The following LIMK2 variants were observed in gnomAD, a reference collection of about 807,000 sequenced individuals.
LIMK2 encodes LIM domain kinase 2.
Under a neutral mutation model 75.7 loss-of-function variants are expected in LIMK2, and 35 were observed. The observed-to-expected ratio is 0.46, with a 90% confidence interval of 0.35 to 0.61. The LOEUF is 0.61. Among genes scored for constraint, LIMK2 ranks in the 20% least tolerant of loss-of-function variants. The probability of loss-of-function intolerance (pLI) is 0.00; values close to 1 mark genes in which losing one functional copy is unlikely to be tolerated. For missense variants in LIMK2, 623 were observed against 831.0 expected, an observed-to-expected ratio of 0.75 and a Z score of 3.08; for synonymous variants, 301 against 319.2, an observed-to-expected ratio of 0.94 and a Z score of 0.61.
intron 2 of LIMK2, among the ~76,000 whole-genome samples, chr22:31,247,976 C>A (rs543798972): frequency 4.0e-4 from 61 of 151,476 alleles, no homozygotes; most frequent in African/African-American, 1.1e-3. Context: ...GCTAGGATGG[C>A]TCTCTGGACC....
Position 31,212,316 on chromosome 22 carries a change from C to G in LIMK2, c.-93C>G, listed in dbSNP as rs976782351. The G allele has an allele frequency of 8.0e-7, 1 of 1,244,380 alleles. No homozygotes were observed. Among genetic ancestry groups the G allele is most frequent in the East Asian group, 2.9e-5 (1 of 34,274 alleles). 77.1% of individuals were successfully genotyped at this position (1,244,380 alleles called of 1,614,324 possible). ...GGCTGTGGTCTTCCCGCGCCTGAGGCGGCGGCGGCAGGAGCTGAGGGGAGT... is the reference window on the plus strand; with the variant it reads ...GGCTGTGGTCTTCCCGCGCCTGAGGGGGCGGCGGCAGGAGCTGAGGGGAGT... On this transcript the variant is annotated 5_prime_UTR_variant, in exon 1 of 16. Transcript: ENST00000331728.
intron 15 of LIMK2, chr22:31,276,906 C>G (rs1481145318): frequency 1.2e-6 from 2 of 1,613,160 alleles, no homozygotes; most frequent in African/African-American, 2.7e-5. Context: ...AGCACCTCAA[C>G]CTAGAGGAGT....
At chr22:31,272,427 C>G in intron 12 of LIMK2, 103 bp from the exon 13 acceptor site, 1 of 1,094,600 alleles carries the variant, frequency 9.1e-7, no homozygotes, top group Non-Finnish European at 1.3e-6. Context: ...TTGCTATACA[C>G]CTTTTCTCCC....
chr22:31,251,776 T>C (rs1243488388), intron 2 of LIMK2, among the ~76,000 whole-genome samples: 1 of 152,106 alleles, frequency 6.6e-6, no homozygotes, highest in Non-Finnish European at 1.5e-5. Context: ...ACTGAGCTCT[T>C]ATGGAACAGA....
Position 31,275,335 on chromosome 22 carries a change from C to T in LIMK2, c.1772+27C>T, listed in dbSNP as rs775786588. The T allele has an allele frequency of 1.9e-6, 3 of 1,612,836 alleles. No homozygotes were observed. The South Asian group carries it at 3.3e-5, about 18-fold the overall frequency. On this transcript the variant is annotated intron_variant, in intron 15 of 15. Transcript: ENST00000331728. ...TTGGTATCCTGCCTTTTTCTCCCAG[C>T]TCACAGGGTCCTGGGACGTTTGCCT...
chr22:31,238,568 G>T (rs1232502655), intron 2 of LIMK2, among the ~76,000 whole-genome samples: 1 of 152,162 alleles, frequency 6.6e-6, no homozygotes, highest in Non-Finnish European at 1.5e-5. Flanking sequence ...AAGGCCAAAA[G>T]CTAGGCCTAG....
chr22:31,252,437 G>A (rs1019612821), intron 2 of LIMK2, among the ~76,000 whole-genome samples: 4 of 151,846 alleles, frequency 2.6e-5, no homozygotes, highest in African/African-American at 9.7e-5. Context: ...AGCTACTCAG[G>A]AGGCTGAGGC....
intron 15 of LIMK2, chr22:31,277,448 C>T (rs2049042728): frequency 1.2e-5 from 14 of 1,156,452 alleles, no homozygotes; most frequent in South Asian, 2.5e-5. Context: ...TTCCAGCGGT[C>T]CACATTAGAG....
chr22:31,261,582 A>G (rs1220199603), intron 5 of LIMK2, among the ~76,000 whole-genome samples: 1 of 151,050 alleles, frequency 6.6e-6, no homozygotes, highest in Non-Finnish European at 1.5e-5. Flanking sequence ...CCTGGCCAAC[A>G]TGGCAAAACC....
intron 9 of LIMK2, 62 bp downstream of exon 9, chr22:31,267,132 A>G (rs1387393503): frequency 1.1e-6 from 1 of 912,582 alleles, no homozygotes; most frequent in Non-Finnish European, 1.7e-6. Context: ...AGACCTTACA[A>G]ATAATGGCTT....
At chr22:31,251,383 G>A (rs1297588436) in intron 2 of LIMK2, among the ~76,000 whole-genome samples, 2 of 152,182 alleles carry the variant, frequency 1.3e-5, no homozygotes, top group African/African-American at 2.4e-5. Context: ...ACCTTTGGCA[G>A]GTGCCTTAGG....
At chr22:31,260,694 C>T (rs1264194772) in intron 5 of LIMK2, among the ~76,000 whole-genome samples, 4 of 152,188 alleles carry the variant, frequency 2.6e-5, no homozygotes, top group Non-Finnish European at 4.4e-5. Context: ...AGTGCTTGCA[C>T]AGCAGGTGAA....
At chr22:31,250,550 G>A (rs1179084440) in intron 2 of LIMK2, among the ~76,000 whole-genome samples, 1 of 150,978 alleles carries the variant, frequency 6.6e-6, no homozygotes, top group African/African-American at 2.4e-5. Context: ...GAGTCTGGGG[G>A]GTACTGACTG....
intron 2 of LIMK2, among the ~76,000 whole-genome samples, chr22:31,226,734 CT>C (rs1169290571): frequency 1.3e-5 from 2 of 152,200 alleles, no homozygotes; most frequent in African/African-American, 2.4e-5. Context: ...TTCAGCCCCC[CT>C]AGTAGGTGGG....
intron 2 of LIMK2, among the ~76,000 whole-genome samples, chr22:31,246,376 A>G (rs1163676611): frequency 6.6e-6 from 1 of 152,158 alleles, no homozygotes; most frequent in South Asian, 2.1e-4. Context: ...AAGAAAAAAA[A>G]AAAAAAGAAA....
At chr22:31,213,907 C>T (rs1391212549) in intron 1 of LIMK2, among the ~76,000 whole-genome samples, 1 of 151,442 alleles carries the variant, frequency 6.6e-6, no homozygotes, top group Non-Finnish European at 1.5e-5. Context: ...CCTCTGCCTC[C>T]CGGGTTCAAG....
At chr22:31,232,937 GA>G (rs2048541590) in intron 2 of LIMK2, among the ~76,000 whole-genome samples, 1 of 152,152 alleles carries the variant, frequency 6.6e-6, no homozygotes, top group Admixed American at 6.5e-5. Flanking sequence ...TGGAAATAGA[GA>G]ATGTCATGGA....
Position 31,278,325 on chromosome 22 carries a change from T to G in LIMK2, c.1801T>G (p.Phe601Val). The G allele has an allele frequency of 6.2e-7, 1 of 1,613,572 alleles. No homozygotes were observed. The highest frequency in any genetic ancestry group is 8.5e-7 in the Non-Finnish European group (1 of 1,179,772). The change falls in exon 16 of 16, where the codon TTT becomes GTT. Residue 601 changes from phenylalanine (F) to valine (V), a missense_variant. By Grantham distance (50) the Phe-to-Val change is conservative. Around this residue, in one of 3 missense-constraint regions of LIMK2, gnomAD observed 46 missense variants for 46.9 expected, o/e 0.98. Coordinates refer to ENST00000331728, the MANE Select transcript of LIMK2 (RefSeq NM_005569.4). ...AGCATTCTCGAAATTGGAGGACTCC[T>G]TTGAGGCCCTCTCCCTGTACCTGGG... ...RPAFSKLEDSFEALSLYLGEL... is the reference protein window; with the variant it reads ...RPAFSKLEDSVEALSLYLGEL...
chr22:31,230,265 T>C (rs1355766140), intron 2 of LIMK2: 1 of 152,148 alleles, frequency 6.6e-6, no homozygotes, highest in African/African-American at 2.4e-5. Flanking sequence ...TTTCTGATGT[T>C]CTCTGGACCT....
Sources: gnomAD v4.1 joint callset for allele counts (sites outside exome capture counted in the v4.1 genomes callset) on GRCh38, gnomAD v4.1.1 for gene constraint, gnomAD v4.1.1 regional missense constraint, MANE v1.5 for transcripts, NCBI Gene and HGNC (gene_info 2026-07-23, HGNC 2026-07-21) for gene names.